Variants in UNC79 observed in about 807,000 individuals in gnomAD.
UNC79 encodes the protein protein unc-79 homolog.
A neutral mutation model predicts 283.1 loss-of-function variants in UNC79; 37 were observed. That is an observed-to-expected ratio of 0.13 (90% CI 0.10 to 0.17). The LOEUF (loss-of-function observed/expected upper bound fraction) is 0.17. Among genes scored for constraint, UNC79 ranks in the 10% least tolerant of loss-of-function variants. The pLI is 1.00. For missense variants in UNC79, 2,272 were observed against 3,211.1 expected (o/e 0.71, Z 7.07); for synonymous variants, 1,107 against 1,200.2 (o/e 0.92, Z 1.61).
At chr14:93,459,990 C>T (rs1326658351) in intron 1 of UNC79, among the ~76,000 whole-genome samples, 1 of 124,500 alleles carries the variant, frequency 8.0e-6, no homozygotes, top group Non-Finnish European at 1.7e-5. Context: ...ATTTTTAACC[C>T]TCACAATAAC....
chr14:93,558,780 C>T (rs183580148), intron 14 of UNC79, among the ~76,000 whole-genome samples: 1 of 152,010 alleles, frequency 6.6e-6, no homozygotes, highest in African/African-American at 2.4e-5. Flanking sequence ...TTTTGATGAC[C>T]CTGTTCGCTG....
intron 1 of UNC79, among the ~76,000 whole-genome samples, chr14:93,400,554 A>G (rs941948699): frequency 1.3e-5 from 2 of 152,218 alleles, no homozygotes; most frequent in Admixed American, 6.5e-5. Flanking sequence ...TAAAGTAGTA[A>G]TTGAGCAGAA....
Position 93,404,493 on chromosome 14 carries a change from A to AAAAAAAAAAATATAT in UNC79, c.-350-63177_-350-63176insAAAAAAAAATATATA. ...TGACAGAGTGAGACCTTCTAAAAAA[A>AAAAAAAAAAATATAT]ATATATATATATATATATATAAATA... On this transcript the variant is annotated intron_variant, in intron 1 of 49. Coordinates refer to the UNC79 transcript ENST00000256339. 1.8e-4 allele frequency among the ~76,000 whole-genome samples: 11 copies of AAAAAAAAAAATATAT among 61,508 alleles called. 1 individual carries two copies. Among genetic ancestry groups the AAAAAAAAAAATATAT allele is most frequent in the South Asian group, 4.6e-4 (1 of 2,192 alleles). 40.4% of individuals were successfully genotyped at this position (61,508 alleles called of 152,430 possible).
chr14:93,701,759 T>A (rs1288351616), intron 47 of UNC79, among the ~76,000 whole-genome samples: 1 of 152,240 alleles, frequency 6.6e-6, no homozygotes, highest in Non-Finnish European at 1.5e-5. Context: ...ATACATTTAG[T>A]CACGTGATTT....
intron 32 of UNC79, among the ~76,000 whole-genome samples, chr14:93,639,279 A>G (rs2068804352): frequency 6.6e-6 from 1 of 152,242 alleles, no homozygotes; most frequent in African/African-American, 2.4e-5. Flanking sequence ...CACTTTTAGC[A>G]CAAGCATTCT....
In UNC79 at chr14:93,546,589, T is replaced by G. The variant is rs183138133; in HGVS notation, c.1755+3893T>G. Among the ~76,000 whole-genome samples, 11 of 152,320 alleles carry G rather than the reference T, an allele frequency of 7.2e-5. No homozygotes were observed. In the East Asian group the frequency reaches 2.1e-3, roughly 29 times the overall value. The stretch of plus-strand genomic sequence containing the variant: ...TCATGTTTGTTTACAAAGGTATAAA[T>G]CTACCAAATTATTGTGAGTTATAGA... On this transcript the variant is annotated intron_variant, in intron 14 of 48. Coordinates refer to ENST00000555664, the Ensembl canonical transcript of UNC79.
intron 40 of UNC79, among the ~76,000 whole-genome samples, chr14:93,672,304 T>C (rs1239419048): frequency 6.6e-6 from 1 of 152,170 alleles, no homozygotes. Context: ...AATGGACAAA[T>C]GGATAAAGAA....
chr14:93,655,280 G>A lies in UNC79; in HGVS notation c.6329G>A (p.Arg2110His), dbSNP rs757082159. 5.0e-5 allele frequency: 81 copies of A among 1,613,814 alleles called. No individual in the cohort carries two copies. Among genetic ancestry groups the A allele is most frequent in the East Asian group, 2.9e-4 (13 of 44,888 alleles). The stretch of plus-strand genomic sequence containing the variant: ...TTACCAGCAGGGGGTGCTATGATTC[G>A]CTGTTTGGAAAACATTGCAACCTTC... The change falls in exon 38 of 49, where the codon CGC (arginine) becomes CAC (histidine). Residue 2110 changes from arginine to histidine, a missense_variant. By Grantham distance (29) the Arg-to-His change is conservative. This residue lies in a region of UNC79 where 287 missense variants were observed against 446.4 expected (regional missense o/e 0.64). Coordinates refer to ENST00000555664, the Ensembl canonical transcript of UNC79.
chr14:93,379,607 A>G (rs1487911679), intron 1 of UNC79, among the ~76,000 whole-genome samples: 4 of 152,000 alleles, frequency 2.6e-5, no homozygotes, highest in Non-Finnish European at 5.9e-5. Flanking sequence ...ATCACCCATT[A>G]AACCAATTGT....
At chr14:93,396,234 G>C (rs1380272581) in intron 1 of UNC79, among the ~76,000 whole-genome samples, 1 of 133,306 alleles carries the variant, frequency 7.5e-6, no homozygotes, top group Non-Finnish European at 1.6e-5. Context: ...TTTTCTCTTT[G>C]TTTTTTTTTT....
intron 14 of UNC79, among the ~76,000 whole-genome samples, chr14:93,547,597 G>A (rs1735904099): frequency 2.0e-5 from 3 of 152,112 alleles, no homozygotes; most frequent in Admixed American, 2.0e-4. Context: ...AATATAGGGA[G>A]CAACACAATT....
chr14:93,544,527 A>C (rs1326971051), intron 14 of UNC79, among the ~76,000 whole-genome samples: 1 of 152,222 alleles, frequency 6.6e-6, no homozygotes, highest in Non-Finnish European at 1.5e-5. Flanking sequence ...TCTTTAGCTT[A>C]AATGTTTTCA....
intron 16 of UNC79, among the ~76,000 whole-genome samples, chr14:93,573,785 T>C (rs2063330271): frequency 6.6e-6 from 1 of 152,182 alleles, no homozygotes; most frequent in South Asian, 2.1e-4. Flanking sequence ...GGTGGGCAGA[T>C]CACTTGCTCA....
At chr14:93,404,586 A>AT (rs756885745) in intron 1 of UNC79, among the ~76,000 whole-genome samples, 6 of 144,998 alleles carry the variant, frequency 4.1e-5, no homozygotes, top group Non-Finnish European at 9.0e-5. Context: ...CACAATCCAT[A>AT]TTTTTCAAAT....
chr14:93,516,213 A>G (rs1160506526), intron 7 of UNC79, among the ~76,000 whole-genome samples: 2 of 152,100 alleles, frequency 1.3e-5, no homozygotes, highest in Non-Finnish European at 2.9e-5. Flanking sequence ...CCAATATCAC[A>G]TAATCTTGAT....
chr14:93,468,402 A>G (rs1288598642), intron 2 of UNC79, among the ~76,000 whole-genome samples: 1 of 152,232 alleles, frequency 6.6e-6, no homozygotes, highest in Non-Finnish European at 1.5e-5. Context: ...AAGAAAGCTG[A>G]ACTGTTCAAG....
chr14:93,393,012 A>AG (rs1189339620), intron 1 of UNC79, among the ~76,000 whole-genome samples: 1 of 152,172 alleles, frequency 6.6e-6, no homozygotes, highest in Non-Finnish European at 1.5e-5. Flanking sequence ...TCCAAGATTG[A>AG]GAGCACATCT....
exon 34 of UNC79, chr14:93,643,596 A>C (rs1214352764): frequency 6.2e-7 from 1 of 1,613,924 alleles, no homozygotes; most frequent in Non-Finnish European, 8.5e-7. Context: ...AATACGATGA[A>C]GAGACACTTG....
chr14:93,582,219 T>G (rs1208661080), exon 20 of UNC79: 13 of 1,614,032 alleles, frequency 8.1e-6, no homozygotes, highest in African/African-American at 2.7e-5. Flanking sequence ...ACAGACAGCC[T>G]GGAGGATAGC....
Sources: gnomAD v4.1 joint callset for allele counts (sites outside exome capture counted in the v4.1 genomes callset) on GRCh38, gnomAD v4.1.1 for gene constraint, gnomAD v4.1.1 regional missense constraint, MANE v1.5 for transcripts, NCBI Gene and HGNC (gene_info 2026-07-23, HGNC 2026-07-21) for gene names.